CNTNAP2: variants seen among roughly 807,000 people sequenced by gnomAD.
The protein encoded by CNTNAP2 is contactin associated protein 2.
A neutral mutation model predicts 155.2 loss-of-function variants in CNTNAP2; 98 were observed. The observed-to-expected ratio is 0.63, with a 90% CI of 0.54 to 0.75. CNTNAP2 has a LOEUF of 0.75. CNTNAP2 is among the 30% of genes least tolerant of loss of function. The pLI is 0.00. For synonymous variants in CNTNAP2, 651 were observed against 631.2 expected (o/e 1.03, Z -0.47); for missense variants, 1,727 against 1,688.1 (o/e 1.02, Z -0.40).
chr7:147,163,688 A>G (rs1802070595), intron 8 of CNTNAP2, among the ~76,000 whole-genome samples: 1 of 152,186 alleles, frequency 6.6e-6, no homozygotes, highest in Non-Finnish European at 1.5e-5. Context: ...TCTAGAAGAG[A>G]GCTCACAAGT....
chr7:146,827,135 A>G (rs533526148), intron 2 of CNTNAP2, among the ~76,000 whole-genome samples: 1 of 152,110 alleles, frequency 6.6e-6, no homozygotes, highest in South Asian at 2.1e-4. Flanking sequence ...TAATTAATTA[A>G]TATATTCATT....
At chr7:146,697,243 A>AT (rs113157215) in intron 1 of CNTNAP2, among the ~76,000 whole-genome samples, 8,587 of 143,148 alleles carry the variant, frequency 0.06, 463 homozygotes, top group African/African-American at 0.16. Context: ...TTATTTATTT[A>AT]TTTATTTATT....
rs569391166 is a variant in CNTNAP2 at position 147,463,815 on chromosome 7, C to G, written c.1671-22120C>G. Among the ~76,000 whole-genome samples the G allele has an allele frequency of 3.9e-5, 6 of 152,198 alleles. No individual in the cohort carries two copies. In the South Asian group the frequency reaches 1.0e-3, roughly 26 times the overall value. On this transcript the variant is annotated intron_variant, in intron 10 of 23. Coordinates refer to ENST00000361727, the MANE Select transcript of CNTNAP2 (RefSeq NM_014141.6). ...TAAAATAGCAAGGACCATAACAAAA[C>G]AGTAGTAATTGTTTAAATAGTTTAC...
intron 20 of CNTNAP2, among the ~76,000 whole-genome samples, chr7:148,263,601 G>T (rs944668440): frequency 6.6e-5 from 10 of 152,064 alleles, no homozygotes; most frequent in African/African-American, 2.4e-4. Context: ...GCCGGGCGTG[G>T]TGGCGGGCGC....
intron 20 of CNTNAP2, among the ~76,000 whole-genome samples, chr7:148,256,213 G>T (rs927028500): frequency 1.3e-5 from 2 of 152,020 alleles, no homozygotes; most frequent in African/African-American, 4.8e-5. Context: ...CACCAAAACC[G>T]GTCGAAGTTG....
At chr7:147,738,939 G>A (rs1279310844) in intron 13 of CNTNAP2, among the ~76,000 whole-genome samples, 2 of 152,094 alleles carry the variant, frequency 1.3e-5, no homozygotes, top group African/African-American at 4.8e-5. Context: ...ACAGGTGTGA[G>A]CCACTGCGCC....
In CNTNAP2 at chr7:148,393,902, ATTAT is replaced by A. The variant is rs1451483310; in HGVS notation, c.3715+10019_3715+10022del. ...CCTCTTTATATTCTTTGCTCCAATAATTATTTATATCTTTATATTCTTTCCTATT... is the reference window on the plus strand; with the variant it reads ...CCTCTTTATATTCTTTGCTCCAATAATTATATCTTTATATTCTTTCCTATT... On this transcript the variant is annotated intron_variant, in intron 22 of 23. Transcript: ENST00000361727. 2.6e-5 allele frequency among the ~76,000 whole-genome samples: 4 copies of A among 151,750 alleles called. No individual in the cohort carries two copies. The South Asian group carries it at 6.2e-4, about 24-fold the overall frequency.
chr7:147,388,928 A>G (rs1436002284), intron 9 of CNTNAP2, among the ~76,000 whole-genome samples: 4 of 152,082 alleles, frequency 2.6e-5, no homozygotes, highest in African/African-American at 7.2e-5. Context: ...GACTCTCACT[A>G]TCCTCCATGT....
chr7:148,183,837 C>A (rs1347551332), intron 18 of CNTNAP2, among the ~76,000 whole-genome samples: 1 of 152,030 alleles, frequency 6.6e-6, no homozygotes, highest in East Asian at 1.9e-4. Context: ...TAATAGTGGA[C>A]AAAATATTTT....
chr7:146,277,144 A>G (rs975729456), intron 1 of CNTNAP2, among the ~76,000 whole-genome samples: 17 of 152,248 alleles, frequency 1.1e-4, no homozygotes, highest in East Asian at 3.9e-4. Flanking sequence ...CCACAAACCA[A>G]CGGAGGCCTG....
chr7:146,843,462 G>A (rs1803781805), intron 3 of CNTNAP2, among the ~76,000 whole-genome samples: 1 of 151,970 alleles, frequency 6.6e-6, no homozygotes, highest in Non-Finnish European at 1.5e-5. Flanking sequence ...AGATTTTGGT[G>A]GGGACACAGA....
chr7:147,289,872 C>T (rs576310958), intron 8 of CNTNAP2, among the ~76,000 whole-genome samples: 17 of 152,122 alleles, frequency 1.1e-4, no homozygotes, highest in African/African-American at 3.4e-4. Context: ...TGTTTGATGA[C>T]GTAGAAAACA....
intron 1 of CNTNAP2, among the ~76,000 whole-genome samples, chr7:146,486,734 T>A (rs1407851143): frequency 1.3e-5 from 2 of 152,200 alleles, no homozygotes; most frequent in Non-Finnish European, 2.9e-5. Flanking sequence ...TCTGGAGAGC[T>A]GGAGGCATAT....
chr7:146,403,204 C>T (rs1795739693), intron 1 of CNTNAP2, among the ~76,000 whole-genome samples: 1 of 152,164 alleles, frequency 6.6e-6, no homozygotes, highest in Non-Finnish European at 1.5e-5. Flanking sequence ...ATAATCTTCT[C>T]AGTGTTACTA....
intron 14 of CNTNAP2, among the ~76,000 whole-genome samples, chr7:147,933,799 G>T (rs1249354495): frequency 1.3e-5 from 2 of 152,120 alleles, no homozygotes; most frequent in Non-Finnish European, 2.9e-5. Context: ...GGAGGCAGAG[G>T]TTGCAGTGAG....
chr7:147,066,101 A>G (rs1799774591), intron 4 of CNTNAP2, among the ~76,000 whole-genome samples: 1 of 152,224 alleles, frequency 6.6e-6, no homozygotes, highest in African/African-American at 2.4e-5. Flanking sequence ...GATATCTGCA[A>G]CAGGAGCTTG....
At chr7:146,720,371 T>C (rs1308311188) in intron 1 of CNTNAP2, among the ~76,000 whole-genome samples, 1 of 152,110 alleles carries the variant, frequency 6.6e-6, no homozygotes, top group African/African-American at 2.4e-5. Context: ...CAAAAGACCC[T>C]GGTAGCCTCC....
intron 15 of CNTNAP2, among the ~76,000 whole-genome samples, chr7:148,102,665 G>A (rs1358772097): frequency 6.6e-6 from 1 of 152,146 alleles, no homozygotes; most frequent in African/African-American, 2.4e-5. Context: ...CTCAATAAAT[G>A]TAGAAGGAAG....
chr7:146,656,908 C>T (rs533376938), intron 1 of CNTNAP2, among the ~76,000 whole-genome samples: 1 of 152,276 alleles, frequency 6.6e-6, no homozygotes, highest in African/African-American at 2.4e-5. Flanking sequence ...AACATTTTCT[C>T]ATAGCCTTTA....
Sources: gnomAD v4.1 joint callset for allele counts (sites outside exome capture counted in the v4.1 genomes callset) on GRCh38, gnomAD v4.1.1 for gene constraint, MANE v1.5 for transcripts, NCBI Gene and HGNC (gene_info 2026-07-23, HGNC 2026-07-21) for gene names.